Variants in MAPK14 observed in about 807,000 individuals in gnomAD.
MAPK14 encodes CSAID-binding protein.
Under a neutral mutation model 49.6 loss-of-function variants are expected in MAPK14, and 16 were observed. The observed-to-expected ratio is 0.32, with a 90% CI of 0.22 to 0.49. MAPK14 has a LOEUF of 0.49. Among genes scored for constraint, MAPK14 ranks in the 20% least tolerant of loss-of-function variants. MAPK14 has a pLI of 0.99. For missense variants in MAPK14, 200 were observed against 441.2 expected (o/e 0.45, Z 4.90); for synonymous variants, 142 against 158.0 (o/e 0.90, Z 0.76).
chr6:36,035,086 A>T (rs1480287997), intron 1 of MAPK14, among the ~76,000 whole-genome samples: 3 of 151,682 alleles, frequency 2.0e-5, no homozygotes, highest in Non-Finnish European at 4.4e-5. Context: ...TTTAGTAGAG[A>T]TGGGGTTTCA....
chr6:36,060,764 G>A (rs1763788001), intron 3 of MAPK14, among the ~76,000 whole-genome samples: 1 of 152,192 alleles, frequency 6.6e-6, no homozygotes, highest in East Asian at 1.9e-4. Context: ...AAGGGAAGGA[G>A]GAAAGGTGGC....
In MAPK14 at chr6:36,109,560, C is replaced by T. The variant is rs1002804767; in HGVS notation, c.*1113C>T. ...GCCCCTAGTGCTATTCTGTGTTGAACACAATTGATACTTCAGGTGCTTTTG... is the reference window on the plus strand; with the variant it reads ...GCCCCTAGTGCTATTCTGTGTTGAATACAATTGATACTTCAGGTGCTTTTG... On this transcript the variant is annotated 3_prime_UTR_variant, in exon 12 of 12. Transcript: ENST00000229794. The T allele has an allele frequency of 6.6e-6, 1 of 152,652 alleles. No individual in the cohort carries two copies. The highest frequency in any genetic ancestry group is 1.5e-5 in the Non-Finnish European group (1 of 68,038). The allele number at this position is 152,652 out of a possible 1,614,324, so 9.5% of individuals were successfully genotyped here. A position where few individuals can be genotyped will look rare whatever the true frequency, so the allele number is the denominator to read the frequency against.
intron 8 of MAPK14, among the ~76,000 whole-genome samples, chr6:36,087,940 A>G (rs1014365763): frequency 1.3e-5 from 2 of 152,200 alleles, no homozygotes; most frequent in South Asian, 2.1e-4. Context: ...AAACAGACCA[A>G]TGGAACAGAA....
chr6:36,116,895 C>T, the MAPK14 span, among the ~76,000 whole-genome samples: 18,418 of 152,156 alleles, frequency 0.12, 1,234 homozygotes, highest in African/African-American at 0.19. Context: ...TTCTCAGTCA[C>T]GTTACAACTG....
chr6:36,074,112 A>G lies in MAPK14; in HGVS notation c.495+16A>G. The G allele has an allele frequency of 1.9e-6, 3 of 1,605,624 alleles. No homozygotes were observed. Among genetic ancestry groups the G allele is most frequent in the African/African-American group, 1.3e-5 (1 of 74,904 alleles). ...TGAGCTGAAGGTAAAATGAAGAGAC[A>G]GTATTCATTGTTTGCTTTACTTTGA... On this transcript the variant is annotated intron_variant, in intron 6 of 11. Transcript: ENST00000229794.
chr6:36,098,423 A>G (rs940424453), intron 9 of MAPK14, among the ~76,000 whole-genome samples: 2 of 152,234 alleles, frequency 1.3e-5, no homozygotes, highest in African/African-American at 2.4e-5. Context: ...TTGTCATCAC[A>G]GCACTTTGGG....
chr6:36,073,917 A>C, intron 5 of MAPK14, 132 bp from the exon 6 acceptor site: 1 of 868,484 alleles, frequency 1.2e-6, no homozygotes, highest in Non-Finnish European at 1.9e-6. Context: ...CTGGATATTG[A>C]CTGTAGGATG....
At chr6:36,059,195 C>T (rs1419595636) in intron 2 of MAPK14, 94 bp from the exon 3 acceptor site, 10 of 801,896 alleles carry the variant, frequency 1.2e-5, no homozygotes, top group Non-Finnish European at 2.0e-5. Flanking sequence ...CGGCCTAGAC[C>T]CTGACTCTTT....
At chr6:36,041,558 A>G (rs1762962423) in intron 1 of MAPK14, among the ~76,000 whole-genome samples, 1 of 152,206 alleles carries the variant, frequency 6.6e-6, no homozygotes, top group African/African-American at 2.4e-5. Flanking sequence ...TCTTGAAGAT[A>G]CCAGAGATGT....
At position 36,074,122 on chromosome 6, in the gene MAPK14, G is replaced by A. The variant is rs375695369; in HGVS notation, c.495+26G>A. The stretch of plus-strand genomic sequence containing the variant: ...GTAAAATGAAGAGACAGTATTCATT[G>A]TTTGCTTTACTTTGAGATTATATGT... On this transcript the variant is annotated intron_variant, in intron 6 of 11. Coordinates refer to ENST00000229794, the MANE Select transcript of MAPK14 (RefSeq NM_139012.3). 6 of 1,595,210 alleles carry A rather than the reference G, an allele frequency of 3.8e-6. No individual in the cohort carries two copies. In the South Asian group the frequency reaches 5.5e-5, roughly 15 times the overall value.
At position 36,052,695 on chromosome 6, in the gene MAPK14, T is replaced by A. The variant is rs1763449905; in HGVS notation, c.117-4T>A. On this transcript the variant is annotated splice_polypyrimidine_tract_variant and splice_region_variant and intron_variant, in intron 1 of 11. Transcript: ENST00000229794. ...GGTGGGTTTTTTCCCTTTTTTCTCC[T>A]TAGTGCTGCTTTTGACACAAAAACG... The A allele has an allele frequency of 6.2e-7, 1 of 1,601,718 alleles. No homozygotes were observed. Among genetic ancestry groups the A allele is most frequent in the South Asian group, 1.1e-5 (1 of 88,602 alleles).
the MAPK14 span, among the ~76,000 whole-genome samples, chr6:36,118,832 TCAA>T: frequency 9.2e-5 from 14 of 152,056 alleles, no homozygotes; most frequent in Non-Finnish European, 1.6e-4. Context: ...TGCTGTGCCC[TCAA>T]CAAGCCCCAC....
chr6:36,076,146 T>G (rs1348441185), intron 7 of MAPK14, among the ~76,000 whole-genome samples, 184 bp downstream of exon 7: 2 of 152,228 alleles, frequency 1.3e-5, no homozygotes, highest in African/African-American at 2.4e-5. Flanking sequence ...TATACACAGC[T>G]TTTAAACCTT....
chr6:36,085,350 C>T (rs1218004030), intron 8 of MAPK14, among the ~76,000 whole-genome samples: 1 of 151,968 alleles, frequency 6.6e-6, no homozygotes, highest in Non-Finnish European at 1.5e-5. Flanking sequence ...GGCTAAATGC[C>T]CCAATTAAAA....
intron 2 of MAPK14, among the ~76,000 whole-genome samples, chr6:36,053,216 A>ATTGTCTTTT (rs1763471142): frequency 2.0e-5 from 3 of 146,762 alleles, no homozygotes; most frequent in East Asian, 2.0e-4. Flanking sequence ...TTAAAAGACA[A>ATTGTCTTTT]AATAGCCACA....
chr6:36,065,558 T>C (rs1202916904), intron 3 of MAPK14, among the ~76,000 whole-genome samples: 2 of 72,540 alleles, frequency 2.8e-5, no homozygotes, highest in African/African-American at 8.3e-5. Flanking sequence ...TTGGTGGGAA[T>C]AGAGGTGTAT....
intron 3 of MAPK14, among the ~76,000 whole-genome samples, chr6:36,060,708 G>A (rs867581593): frequency 2.0e-5 from 3 of 152,128 alleles, no homozygotes; most frequent in African/African-American, 7.2e-5. Context: ...GAACTTCTAT[G>A]TTCTGTCTAA....
chr6:36,073,074 C>T, intron 4 of MAPK14, 90 bp downstream of exon 4: 1 of 815,652 alleles, frequency 1.2e-6, no homozygotes, highest in African/African-American at 1.7e-5. Context: ...AACAACTTTT[C>T]TAATGGAAAA....
the MAPK14 span, among the ~76,000 whole-genome samples, chr6:36,123,947 C>G: frequency 6.6e-6 from 1 of 151,780 alleles, no homozygotes; most frequent in Non-Finnish European, 1.5e-5. Context: ...CCTGTCATCC[C>G]GAACCCAGAA....
Sources: allele counts gnomAD v4.1 joint callset (sites outside exome capture counted in the v4.1 genomes callset), GRCh38; gene constraint gnomAD v4.1.1; transcripts MANE v1.5; gene names NCBI Gene and HGNC (gene_info 2026-07-23, HGNC 2026-07-21).